Variants in EPHX3 observed in about 807,000 individuals in gnomAD.
EPHX3 encodes the protein epoxide hydrolase 3.
A neutral mutation model predicts 40.2 loss-of-function variants in EPHX3; 39 were observed. That is an observed-to-expected ratio of 0.97 (90% CI 0.75 to 1.27). The LOEUF is 1.27. Among genes scored for constraint, EPHX3 ranks in the 50% most tolerant of loss-of-function variants. EPHX3 has a pLI of 0.00. For synonymous variants in EPHX3, 213 were observed against 209.7 expected, an observed-to-expected ratio of 1.02 and a Z score of -0.14; for missense variants, 442 against 474.0, an observed-to-expected ratio of 0.93 and a Z score of 0.63.
rs758835896 is a variant in EPHX3 at position 15,230,950 on chromosome 19, T to G, written c.616+12A>C. The G allele has an allele frequency of 6.2e-7, 1 of 1,613,472 alleles. No homozygotes were observed. The highest frequency in any genetic ancestry group is 1.1e-5 in the South Asian group (1 of 91,056). On this transcript the variant is annotated intron_variant, in intron 4 of 6. Coordinates refer to ENST00000221730, the MANE Select transcript of EPHX3 (RefSeq NM_024794.3). ...ATAAGTACATCCCAGTGTCCCGGAC[T>G]CCCACACACACCTTGGTACACCGAC...
At chr19:15,236,892 C>G (rs1417827236), upstream of EPHX3, 1 of 200,470 alleles carries the variant, frequency 5.0e-6, no homozygotes, top group Admixed American at 6.1e-5. Context: ...AATGCATATT[C>G]ACCGTATGAA....
At chr19:15,232,521 C>G, upstream of EPHX3, 1 of 998,238 alleles carries the variant, frequency 1.0e-6, no homozygotes, top group South Asian at 2.6e-5. Context: ...AGGTCCTGTG[C>G]GGGGCTTAGG....
chr19:15,234,520 G>A (rs1023105122), upstream of EPHX3, among the ~76,000 whole-genome samples: 1 of 152,068 alleles, frequency 6.6e-6, no homozygotes, highest in East Asian at 1.9e-4. Context: ...GTCCAGGCTG[G>A]TCTCAAACTC....
chr19:15,231,683 C>G, intron 2 of EPHX3, 93 bp downstream of exon 2: 1 of 1,336,534 alleles, frequency 7.5e-7, no homozygotes, highest in Non-Finnish European at 1.1e-6. Context: ...CAGCTTGTCC[C>G]GATCTATACA....
chr19:15,232,050 GC>G lies in EPHX3; in HGVS notation c.161del (p.Gly54AlafsTer14). ...ACGCGCTCCGACGGCGCCCGCAGCA[GC>G]CGCGCCGGGGCCGGCACAGCACGTG... ...LTHVLCRPRR[G>X]CCGRRRSASP... On this transcript the variant is annotated frameshift_variant, in exon 1 of 7. Transcript: ENST00000221730. LOFTEE classifies it high-confidence loss of function. 1 of 1,581,400 alleles carries G rather than the reference GC, an allele frequency of 6.3e-7. No homozygotes were observed. The highest frequency in any genetic ancestry group is 1.1e-5 in the South Asian group (1 of 89,160).
chr19:15,234,748 A>G (rs1206528726), upstream of EPHX3, among the ~76,000 whole-genome samples: 2 of 152,126 alleles, frequency 1.3e-5, no homozygotes, highest in South Asian at 2.1e-4. Context: ...TCCCACTTTT[A>G]TCCATATACC....
upstream of EPHX3, among the ~76,000 whole-genome samples, chr19:15,234,735 A>C (rs1599424352): frequency 6.6e-6 from 1 of 151,664 alleles, no homozygotes; most frequent in East Asian, 1.9e-4. Flanking sequence ...GCCCCTTTCC[A>C]CCTCCCACTT....
Position 15,232,093 on chromosome 19 carries a change from C to T in EPHX3, c.119G>A (p.Gly40Asp), listed in dbSNP as rs779819287. 9 of 1,554,370 alleles carry T rather than the reference C, an allele frequency of 5.8e-6. No individual in the cohort carries two copies. The East Asian group carries it at 1.4e-4, about 24-fold the overall frequency. Residue 40 changes from glycine to aspartate, a missense_variant, in exon 1 of 7, where the codon GGC (glycine) becomes GAC (aspartate). Physicochemically the swap from Gly to Asp is moderately conservative, Grantham distance 94. Coordinates refer to ENST00000221730, the MANE Select transcript of EPHX3 (RefSeq NM_024794.3). Reference protein sequence around the residue: ...SVALVAAAVYGCIALTHVLCR... With the variant: ...SVALVAAAVYDCIALTHVLCR... ...CAGCACGTGCGTGAGCGCTATGCAG[C>T]CGTAGACCGCCGCGGCCACCAGCGC...
chr19:15,232,523 G>A (rs1051277124), upstream of EPHX3: 5 of 985,866 alleles, frequency 5.1e-6, no homozygotes, highest in African/African-American at 5.3e-5. Context: ...GTCCTGTGCG[G>A]GGCTTAGGGC....
At chr19:15,235,127 G>A (rs916477245), upstream of EPHX3, among the ~76,000 whole-genome samples, 3 of 151,966 alleles carry the variant, frequency 2.0e-5, no homozygotes, top group African/African-American at 4.8e-5. Flanking sequence ...TCAGCCTCCG[G>A]AGTAGCCGGG....
In EPHX3 at chr19:15,232,396, T is replaced by C. The variant is rs187388071; in HGVS notation, c.-185A>G. The C allele has an allele frequency of 1.6e-5, 22 of 1,363,880 alleles. No homozygotes were observed. In the African/African-American group the frequency reaches 3.3e-4, roughly 20 times the overall value. The allele number at this position is 1,363,880 out of a possible 1,614,324, so 84.5% of individuals were successfully genotyped here. ...ACAGAAAACAGCCAGAGCGCACCAC[T>C]CACCTGAGTGCCAGGTAAACACCTG... is the stretch of plus-strand genomic sequence containing the variant. On this transcript the variant is annotated 5_prime_UTR_variant, in exon 1 of 7. Coordinates refer to ENST00000221730, the MANE Select transcript of EPHX3 (RefSeq NM_024794.3).
At chr19:15,233,218 C>T (rs1222231642), upstream of EPHX3, 3 of 152,294 alleles carry the variant, frequency 2.0e-5, no homozygotes, top group African/African-American at 7.2e-5. Flanking sequence ...TATGGCGGGT[C>T]AGGAGGGTCT....
At chr19:15,235,919 G>A (rs2047188947), upstream of EPHX3, 1 of 152,262 alleles carries the variant, frequency 6.6e-6, no homozygotes, top group Admixed American at 6.5e-5. Flanking sequence ...TTGGACCCAG[G>A]CTGGGGAAGT....
Position 15,227,836 on chromosome 19 carries a change from G to C in EPHX3, c.792C>G (p.Phe264Leu), listed in dbSNP as rs1424142625. Residue 264 changes from phenylalanine (F) to leucine (L), a missense_variant, in exon 6 of 7, where the codon TTC becomes TTG. Physicochemically the swap from Phe to Leu is conservative, Grantham distance 22. Coordinates refer to ENST00000221730, the MANE Select transcript of EPHX3 (RefSeq NM_024794.3). ...CACCAGGCTGTGAGAAGTTATAAAG[G>C]AAGGCCTCGAGCTCGCTGGGGGTCA... ...PCLTPSELEA[F>L]LYNFSQPGGL... 1 of 1,614,120 alleles carries C rather than the reference G, an allele frequency of 6.2e-7. No individual in the cohort carries two copies. Among genetic ancestry groups the C allele is most frequent in the South Asian group, 1.1e-5 (1 of 91,088 alleles).
chr19:15,227,777 A>G lies in EPHX3; in HGVS notation c.851T>C (p.Leu284Pro). Residue 284 changes from leucine (L) to proline (P), a missense_variant, in exon 6 of 7, where the codon CTC (leucine) becomes CCC (proline). Physicochemically the swap from Leu to Pro is moderately conservative, Grantham distance 98 (BLOSUM62 -3). Transcript: ENST00000221730. ...GCTTGGCAACTGGTCTCACCTGAAG[A>G]GGTTTCGGTAGTAGTTGAGGGGCCC... is the stretch of plus-strand genomic sequence containing the variant. The part of the protein sequence containing the change: ...LTGPLNYYRN[L>P]FRNFPLEPQE... 1 of 1,613,604 alleles carries G rather than the reference A, an allele frequency of 6.2e-7. No individual in the cohort carries two copies. Among genetic ancestry groups the G allele is most frequent in the Non-Finnish European group, 8.5e-7 (1 of 1,179,896 alleles).
Position 15,232,295 on chromosome 19 carries a change from C to A in EPHX3, c.-84G>T. On this transcript the variant is annotated 5_prime_UTR_variant, in exon 1 of 7. It removes an upstream start codon present in the reference 5' UTR. Coordinates refer to ENST00000221730, the MANE Select transcript of EPHX3 (RefSeq NM_024794.3). ...GAAGCGGTGTCAGGGCTCAGGGGCC[C>A]ATCGCCCTTGGCCTGGGGCCCCTCC... is the stretch of plus-strand genomic sequence containing the variant. 1 of 1,405,030 alleles carries A rather than the reference C, an allele frequency of 7.1e-7. No homozygotes were observed. Among genetic ancestry groups the A allele is most frequent in the South Asian group, 1.6e-5 (1 of 63,212 alleles). The allele number at this position is 1,405,030 out of a possible 1,614,324, so 87.0% of individuals were successfully genotyped here.
At chr19:15,234,996 G>T (rs569891701), upstream of EPHX3, among the ~76,000 whole-genome samples, 40 of 152,016 alleles carry the variant, frequency 2.6e-4, no homozygotes, top group East Asian at 4.1e-3. Context: ...AGCTTTGGGG[G>T]TTTTTTTGTT....
At position 15,227,784 on chromosome 19, in the gene EPHX3, G is replaced by C; in HGVS notation, c.844C>G (p.Arg282Gly). 1 of 1,613,862 alleles carries C rather than the reference G, an allele frequency of 6.2e-7. No individual in the cohort carries two copies. The highest frequency in any genetic ancestry group is 8.5e-7 in the Non-Finnish European group (1 of 1,179,956). ...AACTGGTCTCACCTGAAGAGGTTTC[G>C]GTAGTAGTTGAGGGGCCCAGTGAGG... is the stretch of plus-strand genomic sequence containing the variant. ...GGLTGPLNYY[R>G]NLFRNFPLEP... Residue 282 changes from arginine to glycine, a missense_variant, in exon 6 of 7, where the codon CGA becomes GGA. Coordinates refer to ENST00000221730, the MANE Select transcript of EPHX3 (RefSeq NM_024794.3).
chr19:15,236,747 C>T (rs191072403), upstream of EPHX3: 8 of 174,850 alleles, frequency 4.6e-5, no homozygotes, highest in Non-Finnish European at 9.9e-5. Context: ...GCAGTAGTTC[C>T]TGTACAGAGG....
Sources: gnomAD v4.1 joint callset for allele counts (sites outside exome capture counted in the v4.1 genomes callset) on GRCh38, gnomAD v4.1.1 for gene constraint, MANE v1.5 for transcripts, NCBI Gene and HGNC (gene_info 2026-07-23, HGNC 2026-07-21) for gene names.